EYA2: variants seen among roughly 807,000 people sequenced by gnomAD.
EYA2 encodes EYA transcriptional coactivator and phosphatase 2.
EYA2 carries 31 observed loss-of-function variants against 69.2 expected under a neutral mutation model. The observed-to-expected ratio is 0.45, with a 90% CI of 0.34 to 0.60. The LOEUF (loss-of-function observed/expected upper bound fraction) is 0.60. Among genes scored for constraint, EYA2 ranks in the 20% least tolerant of loss-of-function variants. The probability of loss-of-function intolerance (pLI) is 0.02; values close to 1 mark genes in which losing one functional copy is unlikely to be tolerated. For missense variants in EYA2, 622 were observed against 701.2 expected (o/e 0.89, Z 1.28); for synonymous variants, 257 against 279.4 (o/e 0.92, Z 0.80).
chr20:47,159,544 G>C (rs981155364), intron 10 of EYA2, among the ~76,000 whole-genome samples: 1 of 152,000 alleles, frequency 6.6e-6, no homozygotes, highest in Admixed American at 6.5e-5. Context: ...TTAAAAATCT[G>C]AATAAGTAAT....
chr20:46,903,280 A>G (rs1984201710), intron 1 of EYA2, among the ~76,000 whole-genome samples: 1 of 152,192 alleles, frequency 6.6e-6, no homozygotes, highest in Non-Finnish European at 1.5e-5. Flanking sequence ...TGAGCAGCAG[A>G]ATGGAAGCAA....
intron 1 of EYA2, among the ~76,000 whole-genome samples, chr20:46,939,446 TA>T (rs985404685): frequency 3.9e-5 from 6 of 152,192 alleles, no homozygotes; most frequent in African/African-American, 1.4e-4. Flanking sequence ...TTTATTTTTT[TA>T]TTTTTTTTCA....
intron 9 of EYA2, among the ~76,000 whole-genome samples, chr20:47,125,011 G>A (rs1057174953): frequency 2.0e-5 from 3 of 150,594 alleles, no homozygotes; most frequent in African/African-American, 7.3e-5. Flanking sequence ...TTGTGATTCA[G>A]CGATGATGGA....
intron 5 of EYA2, among the ~76,000 whole-genome samples, chr20:47,041,365 A>G (rs944466614): frequency 2.0e-5 from 3 of 152,118 alleles, no homozygotes; most frequent in African/African-American, 7.2e-5. Flanking sequence ...CCCACTTTTA[A>G]CCCATAGCCA....
intron 5 of EYA2, among the ~76,000 whole-genome samples, chr20:47,028,012 C>T (rs1984194001): frequency 6.6e-6 from 1 of 151,992 alleles, no homozygotes; most frequent in African/African-American, 2.4e-5. Context: ...GTGATGAGGC[C>T]TTTGGGAGGT....
At chr20:47,185,661 A>G (rs1402205417) in intron 15 of EYA2, among the ~76,000 whole-genome samples, 1 of 152,068 alleles carries the variant, frequency 6.6e-6, no homozygotes, top group East Asian at 1.9e-4. Flanking sequence ...CTATCTTTGC[A>G]AAGAAAGGAG....
chr20:47,023,633 T>G (rs866943654), intron 5 of EYA2, among the ~76,000 whole-genome samples: 21 of 7,622 alleles, frequency 2.8e-3, no homozygotes, highest in African/African-American at 8.3e-3. Flanking sequence ...ATTTTGGGTG[T>G]TTTTTTTTTT....
At chr20:46,969,344 A>G (rs1294647677) in intron 1 of EYA2, among the ~76,000 whole-genome samples, 1 of 151,976 alleles carries the variant, frequency 6.6e-6, no homozygotes, top group African/African-American at 2.4e-5. Context: ...CAGCCTCCCA[A>G]AGTGCTGGGA....
In EYA2 at chr20:46,945,352, T is replaced by A. The variant is rs3092075; in HGVS notation, c.-10-44649T>A. On this transcript the variant is annotated intron_variant, in intron 1 of 15. Transcript: ENST00000327619. ...CATTCAGCCAGAGTGGACAGTAGAC[T>A]GACCGATTTTTAGAAAGCCCAAATT... Among the ~76,000 whole-genome samples the A allele has an allele frequency of 2.3e-3, 354 of 152,292 alleles. 3 individuals carry two copies. Among genetic ancestry groups the A allele is most frequent in the African/African-American group, 8.2e-3 (340 of 41,562 alleles).
chr20:47,163,698 CAAAAAA>C (rs11471495), intron 10 of EYA2, among the ~76,000 whole-genome samples: 1,364 of 85,538 alleles, frequency 0.016, 24 homozygotes, highest in African/African-American at 0.058. Flanking sequence ...AACACTGTCT[CAAAAAA>C]AAAAAAAAAA....
chr20:47,170,675 C>A (rs2034300949), intron 11 of EYA2, among the ~76,000 whole-genome samples: 1 of 151,828 alleles, frequency 6.6e-6, no homozygotes, highest in South Asian at 2.1e-4. Context: ...GAGACAGCTT[C>A]CAGAGGAATG....
chr20:47,092,613 G>A (rs1194853775), intron 8 of EYA2, among the ~76,000 whole-genome samples: 4 of 152,146 alleles, frequency 2.6e-5, no homozygotes, highest in African/African-American at 2.4e-5. Flanking sequence ...GGGGAACGGC[G>A]GGGGTAGAGA....
Position 46,978,332 on chromosome 20 carries a change from G to A in EYA2, c.-10-11669G>A, listed in dbSNP as rs76195980. On this transcript the variant is annotated intron_variant, in intron 1 of 15. Coordinates refer to ENST00000327619, the MANE Select transcript of EYA2 (RefSeq NM_005244.5). ...TGTAAAAACTGTTACAGTGACTGGT[G>A]TGTGTGATAGAGGGCCATGGGCCTG... is the stretch of plus-strand genomic sequence containing the variant. 2,798 of 320,506 alleles carry A rather than the reference G, an allele frequency of 8.7e-3. 72 individuals are homozygous for A. The highest frequency in any genetic ancestry group is 0.056 in the African/African-American group (2,614 of 46,404). The allele number at this position is 320,506 out of a possible 1,614,324, so 19.9% of individuals were successfully genotyped here.
rs2033998174 is a variant in EYA2, at chr20:47,158,341, C to T, written c.979-10798C>T. Among the ~76,000 whole-genome samples the T allele has an allele frequency of 2.0e-5, 3 of 151,990 alleles. No homozygotes were observed. In the South Asian group the frequency reaches 6.3e-4, roughly 32 times the overall value. On this transcript the variant is annotated intron_variant, in intron 10 of 15. Coordinates refer to ENST00000327619, the MANE Select transcript of EYA2 (RefSeq NM_005244.5). ...GACCAGCCTGGTCAACATGATGAAA[C>T]CCCATCTCTACTAAAAATACAAAAA...
At chr20:46,966,163 C>G (rs541900987) in intron 1 of EYA2, among the ~76,000 whole-genome samples, 2 of 152,202 alleles carry the variant, frequency 1.3e-5, no homozygotes, top group East Asian at 3.9e-4. Flanking sequence ...ATGGGATATC[C>G]CTCTGTTACT....
At chr20:47,071,685 C>T (rs1016635108) in intron 5 of EYA2, among the ~76,000 whole-genome samples, 1 of 152,106 alleles carries the variant, frequency 6.6e-6, no homozygotes, top group Non-Finnish European at 1.5e-5. Flanking sequence ...AAAAGGACAC[C>T]GTTTATTTTC....
intron 9 of EYA2, among the ~76,000 whole-genome samples, chr20:47,118,201 C>G (rs2032955038): frequency 6.6e-6 from 1 of 152,284 alleles, no homozygotes; most frequent in African/African-American, 2.4e-5. Context: ...TTCTTTCCCC[C>G]ACTGGGGGTT....
At chr20:47,112,083 G>A (rs1235344161) in intron 9 of EYA2, among the ~76,000 whole-genome samples, 4 of 152,178 alleles carry the variant, frequency 2.6e-5, no homozygotes, top group Admixed American at 2.0e-4. Context: ...AGAGGCTGCA[G>A]TGAGCCGAGG....
At chr20:47,176,092 T>G (rs74681741) in intron 12 of EYA2, among the ~76,000 whole-genome samples, 2 of 149,618 alleles carry the variant, frequency 1.3e-5, no homozygotes, top group Admixed American at 6.7e-5. Context: ...TTTTTTTTTT[T>G]TTTTTGAGAT....
Sources: gnomAD v4.1 joint callset for allele counts (sites outside exome capture counted in the v4.1 genomes callset) on GRCh38, gnomAD v4.1.1 for gene constraint, MANE v1.5 for transcripts, NCBI Gene and HGNC (gene_info 2026-07-23, HGNC 2026-07-21) for gene names.